GSE1: variants seen among roughly 807,000 people sequenced by gnomAD.
GSE1 encodes Gse1 coiled-coil protein.
GSE1 carries 32 observed loss-of-function variants against 112.6 expected under a neutral mutation model. The observed-to-expected ratio is 0.28, with a 90% CI of 0.21 to 0.38. The LOEUF (loss-of-function observed/expected upper bound fraction) is 0.38. Ranked by LOEUF, GSE1 falls within the 10% of genes least tolerant of loss-of-function variation. The probability of loss-of-function intolerance (pLI) is 1.00; values close to 1 mark genes in which losing one functional copy is unlikely to be tolerated. For synonymous variants in GSE1, 1,115 were observed against 735.6 expected (o/e 1.52, Z -8.35); for missense variants, 2,348 against 1,699.2 (o/e 1.38, Z -6.71).
intron 2 of GSE1, among the ~76,000 whole-genome samples, chr16:85,530,882 G>A (rs148053501): frequency 3.1e-4 from 47 of 152,362 alleles, no homozygotes; most frequent in Non-Finnish European, 4.8e-4. Context: ...TGCAGCCTCC[G>A]TGCCAGAGCT....
intron 2 of GSE1, among the ~76,000 whole-genome samples, chr16:85,456,579 CGTGTGTGTGTGTGTGT>C (rs35279881): frequency 0.01 from 953 of 91,554 alleles, 14 homozygotes; most frequent in African/African-American, 0.027. Context: ...ATTTTCCTGC[CGTGTGTGTGTGTGTGT>C]GTGTGTGTGT....
intron 1 of GSE1, among the ~76,000 whole-genome samples, chr16:85,348,343 C>A (rs71372905): frequency 6.6e-6 from 1 of 152,008 alleles, no homozygotes; most frequent in Admixed American, 6.5e-5. Context: ...ATCCATCTGT[C>A]CATTCAGTCC....
At chr16:85,603,666 T>A (rs1352652171) in intron 1 of GSE1, among the ~76,000 whole-genome samples, 1 of 152,176 alleles carries the variant, frequency 6.6e-6, no homozygotes, top group African/African-American at 2.4e-5. Context: ...CAAGCCTGGT[T>A]ATTTTTTTAT....
chr16:85,646,418 C>T (rs1173148793), intron 2 of GSE1, among the ~76,000 whole-genome samples: 1 of 152,252 alleles, frequency 6.6e-6, no homozygotes, highest in African/African-American at 2.4e-5. Flanking sequence ...GTCTGGGTGC[C>T]TGAACGCACG....
chr16:85,344,631 G>T (rs879524493), intron 1 of GSE1, among the ~76,000 whole-genome samples: 1 of 152,228 alleles, frequency 6.6e-6, no homozygotes, highest in Non-Finnish European at 1.5e-5. Context: ...TGGCCCTTGC[G>T]GCTGCCCCAG....
At chr16:85,456,153 C>A (rs1339008279) in intron 2 of GSE1, among the ~76,000 whole-genome samples, 1 of 152,178 alleles carries the variant, frequency 6.6e-6, no homozygotes, top group Non-Finnish European at 1.5e-5. Flanking sequence ...AGAGGAGGGT[C>A]ACCGAGGGGT....
chr16:85,434,336 A>ATCATCATC (rs1555511285), intron 2 of GSE1, among the ~76,000 whole-genome samples: 5,475 of 113,294 alleles, frequency 0.048, 172 homozygotes, highest in Middle Eastern at 0.1. Flanking sequence ...TAATAATAAT[A>ATCATCATC]ATAATAATAA....
intron 2 of GSE1, among the ~76,000 whole-genome samples, chr16:85,464,494 A>G (rs2050069418): frequency 6.6e-6 from 1 of 152,096 alleles, no homozygotes. Flanking sequence ...CGGCTGGTGG[A>G]GGAGGGCCTC....
rs1408481623 is a variant in GSE1, at chr16:85,431,539, G to C, written c.2464+73896G>C. Among the ~76,000 whole-genome samples, 6 of 152,376 alleles carry C rather than the reference G, an allele frequency of 3.9e-5. No individual in the cohort carries two copies. In the East Asian group the frequency reaches 1.2e-3, roughly 29 times the overall value. On this transcript the variant is annotated intron_variant, in intron 2 of 2. Coordinates refer to the GSE1 transcript ENST00000637419. ...TCCAACGCCTGCTGTCCCCAGATCT[G>C]ATCCTTTGAGCATCAGGGCTGGAAA... is the stretch of plus-strand genomic sequence containing the variant.
intron 11 of GSE1, chr16:85,664,683 T>C (rs1028944845): frequency 8.8e-6 from 2 of 227,826 alleles, no homozygotes; most frequent in Non-Finnish European, 1.8e-5. Context: ...TTTCTTTGTG[T>C]TGGGGCCACC....
intron 2 of GSE1, among the ~76,000 whole-genome samples, chr16:85,549,179 T>C (rs1278887547): frequency 1.6e-5 from 2 of 122,676 alleles, no homozygotes; most frequent in East Asian, 4.0e-4. Flanking sequence ...TTTTCTCTTC[T>C]TTTTTTTTTT....
intron 1 of GSE1, among the ~76,000 whole-genome samples, chr16:85,296,504 T>C (rs1468529904): frequency 1.3e-5 from 2 of 152,098 alleles, no homozygotes; most frequent in African/African-American, 4.8e-5. Context: ...CTACTCGGGA[T>C]GCTGAGGCAC....
At chr16:85,368,400 C>A (rs2047230269) in intron 2 of GSE1, among the ~76,000 whole-genome samples, 1 of 152,088 alleles carries the variant, frequency 6.6e-6, no homozygotes, top group South Asian at 2.1e-4. Flanking sequence ...GCCCTAAATG[C>A]CTTCTCTAAA....
rs553451791 is a variant in GSE1, at chr16:85,645,886, ATTCTACCATGC to A, written c.227-2652_227-2642del. 2.7e-3 allele frequency among the ~76,000 whole-genome samples: 413 copies of A among 151,160 alleles called. 1 individual carries two copies. The highest frequency in any genetic ancestry group is 9.6e-3 in the African/African-American group (393 of 40,880). ...CTTCTACCATGCTTCCTATGCATGC[ATTCTACCATGC>A]TTCTACCATGCTTTCTATGCATGCA... On this transcript the variant is annotated intron_variant, in intron 2 of 15. Transcript: ENST00000253458.
intron 2 of GSE1, among the ~76,000 whole-genome samples, chr16:85,380,964 T>C (rs1425624306): frequency 6.6e-6 from 1 of 152,252 alleles, no homozygotes; most frequent in Admixed American, 6.5e-5. Context: ...AAAATTCACC[T>C]AACACAAAAT....
chr16:85,302,621 A>G (rs1452729411), intron 1 of GSE1, among the ~76,000 whole-genome samples: 1 of 152,198 alleles, frequency 6.6e-6, no homozygotes, highest in Non-Finnish European at 1.5e-5. Context: ...CTGCTGGTTT[A>G]AAATGTGGAT....
At chr16:85,556,759 C>A (rs924510744) in intron 1 of GSE1, among the ~76,000 whole-genome samples, 19 of 145,570 alleles carry the variant, frequency 1.3e-4, no homozygotes, top group Admixed American at 1.0e-3. Context: ...GCCCCCCCCC[C>A]CCCCAGTCCT....
chr16:85,271,526 C>A (rs1908832755), intron 1 of GSE1, among the ~76,000 whole-genome samples: 1 of 152,234 alleles, frequency 6.6e-6, no homozygotes, highest in African/African-American at 2.4e-5. Context: ...ATCCCCAAAG[C>A]CCGAATCATC....
intron 2 of GSE1, among the ~76,000 whole-genome samples, chr16:85,641,276 G>T (rs1390560877): frequency 6.6e-6 from 1 of 152,246 alleles, no homozygotes; most frequent in African/African-American, 2.4e-5. Flanking sequence ...CCAGGGTCCA[G>T]CATCTAAGCT....
Sources: allele counts gnomAD v4.1 joint callset (sites outside exome capture counted in the v4.1 genomes callset), GRCh38; gene constraint gnomAD v4.1.1; transcripts MANE v1.5; gene names NCBI Gene and HGNC (gene_info 2026-07-23, HGNC 2026-07-21).